The following DZIP3 variants were observed in gnomAD, a reference collection of about 807,000 sequenced individuals.
DZIP3 encodes DAZ interacting zinc finger protein 3.
Under a neutral mutation model 162.0 loss-of-function variants are expected in DZIP3, and 118 were observed. The ratio of observed to expected loss-of-function variants is 0.73; its 90% confidence interval spans 0.63 to 0.85. The LOEUF (loss-of-function observed/expected upper bound fraction) is 0.85. Among genes scored for constraint, DZIP3 ranks in the 40% least tolerant of loss-of-function variants. The probability of loss-of-function intolerance (pLI) is 0.00; values close to 1 mark genes in which losing one functional copy is unlikely to be tolerated. For synonymous variants in DZIP3, 438 were observed against 458.6 expected (o/e 0.96, Z 0.57); for missense variants, 1,331 against 1,407.0 (o/e 0.95, Z 0.86).
intron 19 of DZIP3, among the ~76,000 whole-genome samples, chr3:108,658,780 T>C (rs1329314093): frequency 1.3e-5 from 2 of 151,856 alleles, no homozygotes; most frequent in Non-Finnish European, 2.9e-5. Context: ...AAGAATCAAA[T>C]AGACACAATA....
chr3:108,616,265 AAAATAAAT>A (rs200164808), intron 4 of DZIP3, among the ~76,000 whole-genome samples: 355 of 145,368 alleles, frequency 2.4e-3, no homozygotes, highest in Non-Finnish European at 2.6e-3. Flanking sequence ...CTCCATCTCA[AAAATAAAT>A]AAATAAATAA....
At chr3:108,688,192 A>C in intron 29 of DZIP3, 96 bp downstream of exon 29, 1 of 1,418,482 alleles carries the variant, frequency 7.0e-7, no homozygotes, top group East Asian at 2.3e-5. Context: ...TCAGAAAATC[A>C]GTAACTTGTA....
rs1384106623 is a variant in DZIP3, at chr3:108,675,791, T to C, written c.2699T>C (p.Leu900Pro). ...ARVTHMAASN[L>P]ESLQLKAAVD... ...TGTCTCCTTTTCTACAACAGCAACCTAGAATCACTTCAATTAAAGGCTGCG... is the reference window on the plus strand; with the variant it reads ...TGTCTCCTTTTCTACAACAGCAACCCAGAATCACTTCAATTAAAGGCTGCG... The change falls in exon 25 of 33, where the codon CTA becomes CCA. Residue 900 changes from leucine (L) to proline (P), a missense_variant. Physicochemically the swap from Leu to Pro is moderately conservative, Grantham distance 98 (BLOSUM62 -3). Coordinates refer to ENST00000361582, the MANE Select transcript of DZIP3 (RefSeq NM_014648.4). The C allele has an allele frequency of 1.2e-6, 2 of 1,604,050 alleles. No individual in the cohort carries two copies. Among genetic ancestry groups the C allele is most frequent in the Non-Finnish European group, 1.7e-6 (2 of 1,176,312 alleles).
intron 8 of DZIP3, among the ~76,000 whole-genome samples, chr3:108,631,140 T>C (rs1941866648): frequency 1.3e-5 from 2 of 148,794 alleles, no homozygotes; most frequent in South Asian, 2.2e-4. Context: ...CCTCAGGGTT[T>C]CCCTTCACTC....
intron 21 of DZIP3, among the ~76,000 whole-genome samples, chr3:108,669,279 A>T (rs937360436): frequency 1.3e-5 from 2 of 151,954 alleles, no homozygotes; most frequent in African/African-American, 4.8e-5. Flanking sequence ...ATGACTTGAT[A>T]TAATACCACT....
At chr3:108,691,817 A>ATAAG (rs1189511091) in intron 32 of DZIP3, among the ~76,000 whole-genome samples, 4 of 152,208 alleles carry the variant, frequency 2.6e-5, no homozygotes, top group Middle Eastern at 3.2e-3. Context: ...TCATACCTGC[A>ATAAG]TAAGTATTAT....
chr3:108,686,717 T>A, intron 28 of DZIP3, 133 bp downstream of exon 28: 5 of 1,099,682 alleles, frequency 4.5e-6, no homozygotes, highest in Non-Finnish European at 6.1e-6. Context: ...TACCTTGACC[T>A]TGGTAAGGAA....
intron 12 of DZIP3, 89 bp downstream of exon 12, chr3:108,637,637 A>G (rs1942215817): frequency 1.9e-5 from 16 of 857,608 alleles, no homozygotes; most frequent in Non-Finnish European, 2.7e-5. Context: ...CTGTCACCTA[A>G]TAGAGCTGCA....
chr3:108,631,055 A>ACACACACACACAGACACT, intron 8 of DZIP3, among the ~76,000 whole-genome samples: 1 of 18,006 alleles, frequency 5.6e-5, no homozygotes, highest in Non-Finnish European at 9.0e-5. Flanking sequence ...ACACACACAC[A>ACACACACACACAGACACT]CTCTCTCTCT....
In DZIP3 at chr3:108,646,656, A is replaced by G; in HGVS notation, c.1792+7A>G. 1 of 1,539,604 alleles carries G rather than the reference A, an allele frequency of 6.5e-7. No homozygotes were observed. Among genetic ancestry groups the G allele is most frequent in the Non-Finnish European group, 8.8e-7 (1 of 1,142,588 alleles). The stretch of plus-strand genomic sequence containing the variant: ...TCAATAACAGGCAGTCAGCGTAAGT[A>G]TATTTAGAAATAAAATGTGTAAATG... On this transcript the variant is annotated splice_region_variant and intron_variant, in intron 15 of 32. Transcript: ENST00000361582.
intron 3 of DZIP3, 92 bp downstream of exon 3, chr3:108,608,250 G>T (rs926627251): frequency 5.6e-6 from 6 of 1,076,794 alleles, no homozygotes; most frequent in South Asian, 3.0e-5. Flanking sequence ...GTTTAATTAC[G>T]TGTTAAAATT....
intron 1 of DZIP3, among the ~76,000 whole-genome samples, chr3:108,594,890 C>A (rs908605354): frequency 6.6e-6 from 1 of 151,900 alleles, no homozygotes; most frequent in Non-Finnish European, 1.5e-5. Context: ...AAAGTAAAGG[C>A]TAATAGACCA....
In DZIP3 at chr3:108,644,583, C is replaced by T. The variant is rs1275777438; in HGVS notation, c.1561C>T (p.Leu521Phe). The change falls in exon 14 of 33, where the codon CTC becomes TTC. Residue 521 changes from leucine to phenylalanine, a missense_variant. Coordinates refer to ENST00000361582, the MANE Select transcript of DZIP3 (RefSeq NM_014648.4). Reference sequence around the variant, plus strand: ...CCTTAGTGAGATTTTGATGAATGGTCTCACTGAGTCACAGTTCAATTCAAT... The same window carrying T: ...CCTTAGTGAGATTTTGATGAATGGTTTCACTGAGTCACAGTTCAATTCAAT... ...ILLSEILMNGLTESQFNSIWK... is the reference protein window; with the variant it reads ...ILLSEILMNGFTESQFNSIWK... The T allele has an allele frequency of 1.9e-6, 3 of 1,613,992 alleles. No homozygotes were observed. Among genetic ancestry groups the T allele is most frequent in the Non-Finnish European group, 2.5e-6 (3 of 1,179,986 alleles).
At chr3:108,663,701 A>C (rs1219275303) in intron 21 of DZIP3, among the ~76,000 whole-genome samples, 1 of 152,226 alleles carries the variant, frequency 6.6e-6, no homozygotes, top group Non-Finnish European at 1.5e-5. Context: ...CCTCTCTTCC[A>C]TCTGAAGATA....
rs190921332 is a variant in DZIP3 at position 108,603,830 on chromosome 3, A to G, written c.-72-1505A>G. On this transcript the variant is annotated intron_variant, in intron 1 of 32. Transcript: ENST00000361582. ...ATAATTAGGAATACTTGTTTTACAGATGATTTCCACAGGACTTCTTTTAGT... is the reference window on the plus strand; with the variant it reads ...ATAATTAGGAATACTTGTTTTACAGGTGATTTCCACAGGACTTCTTTTAGT... Among the ~76,000 whole-genome samples, 8 of 152,332 alleles carry G rather than the reference A, an allele frequency of 5.3e-5. No individual in the cohort carries two copies. The East Asian group carries it at 1.2e-3, about 22-fold the overall frequency.
Position 108,629,174 on chromosome 3 carries a change from A to C in DZIP3, c.694A>C (p.Lys232Gln), listed in dbSNP as rs1166402018. ...TEDEDLPTTF[K>Q]DLLNNFIKTT... ...AGATGAAGATTTACCTACAACTTTT[A>C]AAGTAAGAAATTATTTAAGAGTAAC... The change falls in exon 8 of 33, where the codon AAA becomes CAA. Residue 232 changes from lysine to glutamine, a missense_variant and splice_region_variant. Lys to Gln is a moderately conservative substitution (Grantham distance 53, BLOSUM62 1). This residue lies in a region of DZIP3 where 1,278 missense variants were observed against 1,317.1 expected (regional missense o/e 0.97). Coordinates refer to ENST00000361582, the MANE Select transcript of DZIP3 (RefSeq NM_014648.4). 2 of 1,551,344 alleles carry C rather than the reference A, an allele frequency of 1.3e-6. No homozygotes were observed. Among genetic ancestry groups the C allele is most frequent in the East Asian group, 2.3e-5 (1 of 43,508 alleles).
At chr3:108,591,888 C>T (rs1265315105) in intron 1 of DZIP3, among the ~76,000 whole-genome samples, 3 of 150,830 alleles carry the variant, frequency 2.0e-5, no homozygotes, top group Non-Finnish European at 4.4e-5. Flanking sequence ...CCTAGCTACT[C>T]TGGAGGCTGA....
chr3:108,628,914 G>T, intron 7 of DZIP3, 148 bp from the exon 8 acceptor site: 1 of 519,306 alleles, frequency 1.9e-6, no homozygotes, highest in Non-Finnish European at 3.4e-6. Flanking sequence ...TGCCACAGGT[G>T]AGAGTGCTAG....
intron 5 of DZIP3, among the ~76,000 whole-genome samples, chr3:108,620,255 G>A (rs577167198): frequency 6.6e-6 from 1 of 152,278 alleles, no homozygotes; most frequent in East Asian, 1.9e-4. Flanking sequence ...TTTATTGGGC[G>A]TTGGTCATCT....
Sources: allele counts gnomAD v4.1 joint callset (sites outside exome capture counted in the v4.1 genomes callset), GRCh38; gene constraint gnomAD v4.1.1; regional missense constraint gnomAD v4.1.1; transcripts MANE v1.5; gene names NCBI Gene and HGNC (gene_info 2026-07-23, HGNC 2026-07-21).